Variants in COMMD6 observed in about 807,000 individuals in gnomAD.
The protein encoded by COMMD6 is COMM domain-containing protein 6.
In COMMD6, 11 loss-of-function variants were observed where a neutral mutation model predicts 13.4. The ratio of observed to expected loss-of-function variants is 0.82; its 90% CI spans 0.52 to 1.36. The LOEUF (loss-of-function observed/expected upper bound fraction) is 1.36. COMMD6 is among the 40% of genes most tolerant of loss of function. The pLI, the probability that COMMD6 is intolerant of heterozygous loss-of-function variation, is 0.00. For synonymous variants in COMMD6, 43 were observed against 36.5 expected, an observed-to-expected ratio of 1.18 and a Z score of -0.64; for missense variants, 124 against 102.4, an observed-to-expected ratio of 1.21 and a Z score of -0.91.
At chr13:75,546,817 GA>G (rs2030911892) in intron 1 of COMMD6, among the ~76,000 whole-genome samples, 1 of 152,304 alleles carries the variant, frequency 6.6e-6, no homozygotes, top group Non-Finnish European at 1.5e-5. Context: ...ATACTCACAA[GA>G]AGGGGATGTA....
intron 3 of COMMD6, among the ~76,000 whole-genome samples, chr13:75,527,253 T>G: frequency 6.6e-6 from 1 of 152,348 alleles, no homozygotes; most frequent in Admixed American, 6.5e-5. Context: ...AAACTTAACC[T>G]TGGCAATCAG....
chr13:75,530,757 G>A (rs2030450590), intron 2 of COMMD6, among the ~76,000 whole-genome samples: 1 of 152,168 alleles, frequency 6.6e-6, no homozygotes, highest in Admixed American at 6.5e-5. Context: ...AACACTATAG[G>A]TTATTGTTTC....
chr13:75,543,916 C>T (rs1282214438), intron 1 of COMMD6, among the ~76,000 whole-genome samples: 1 of 152,162 alleles, frequency 6.6e-6, no homozygotes, highest in Non-Finnish European at 1.5e-5. Context: ...AGCAACAGCA[C>T]CTAGCTAATA....
chr13:75,530,696 G>C (rs2030447563), intron 2 of COMMD6, among the ~76,000 whole-genome samples: 2 of 152,158 alleles, frequency 1.3e-5, no homozygotes, highest in African/African-American at 4.8e-5. Context: ...ACATACCCTG[G>C]GTGATGTGCT....
rs1194360389 is a variant in COMMD6, at chr13:75,525,769, C to T, written c.*820G>A. 6.6e-6 allele frequency: 1 copy of T among 152,230 alleles called. No individual in the cohort carries two copies. Among genetic ancestry groups the T allele is most frequent in the Non-Finnish European group, 1.5e-5 (1 of 68,048 alleles). 9.4% of individuals were successfully genotyped at this position (152,230 alleles called of 1,614,324 possible). ...GGGTTTAAATTTCTAATATGGCGGA[C>T]CAGAATGTCTTGATCTATTTCTAGG... On this transcript the variant is annotated 3_prime_UTR_variant, in exon 4 of 4. Coordinates refer to ENST00000682242, the MANE Select transcript of COMMD6 (RefSeq NM_203495.4).
rs752665331 is a variant in COMMD6 at position 75,530,280 on chromosome 13, G to A, written c.55-14C>T. On this transcript the variant is annotated splice_polypyrimidine_tract_variant and intron_variant, in intron 2 of 3. Coordinates refer to ENST00000682242, the MANE Select transcript of COMMD6 (RefSeq NM_203495.4). ...AAAATCTACAAGCTTTAATAAGACA[G>A]GACAAAATAATACATTAGTAGTAAC... 2 of 1,595,868 alleles carry A rather than the reference G, an allele frequency of 1.3e-6. No homozygotes were observed. The highest frequency in any genetic ancestry group is 2.3e-5 in the South Asian group (2 of 88,338).
At chr13:75,545,567 G>A (rs879123422) in intron 1 of COMMD6, among the ~76,000 whole-genome samples, 1 of 151,762 alleles carries the variant, frequency 6.6e-6, no homozygotes, top group Admixed American at 6.6e-5. Flanking sequence ...CCGCCTCCTC[G>A]GTTCACACCA....
chr13:75,531,060 A>G lies in COMMD6; in HGVS notation c.55-794T>C, dbSNP rs529462663. 2.6e-5 allele frequency among the ~76,000 whole-genome samples: 4 copies of G among 152,362 alleles called. No homozygotes were observed. In the South Asian group the frequency reaches 8.3e-4, roughly 32 times the overall value. ...TTGTTTCCAAAGCATAGCCTGGTAC[A>G]TAGCAGCCACTCAAAAAGTACTTGC... is the stretch of plus-strand genomic sequence containing the variant. On this transcript the variant is annotated intron_variant, in intron 2 of 3. Coordinates refer to ENST00000682242, the MANE Select transcript of COMMD6 (RefSeq NM_203495.4).
At chr13:75,543,469 T>C (rs2030856689), upstream of COMMD6, among the ~76,000 whole-genome samples, 1 of 152,230 alleles carries the variant, frequency 6.6e-6, no homozygotes, top group Non-Finnish European at 1.5e-5. Context: ...ACTTTTGAAC[T>C]TCAGACCATA....
chr13:75,538,277 G>T (rs2030754487), upstream of COMMD6, among the ~76,000 whole-genome samples: 1 of 152,220 alleles, frequency 6.6e-6, no homozygotes, highest in African/African-American at 2.4e-5. Context: ...CTAGCTGTGG[G>T]CGGGGCATGC....
chr13:75,547,414 A>C (rs2030921058), intron 1 of COMMD6, among the ~76,000 whole-genome samples: 1 of 152,240 alleles, frequency 6.6e-6, no homozygotes. Flanking sequence ...AGGCAGGTTC[A>C]AAATGCAAAA....
upstream of COMMD6, among the ~76,000 whole-genome samples, chr13:75,538,454 T>C (rs2030759580): frequency 6.6e-6 from 1 of 150,668 alleles, no homozygotes; most frequent in Non-Finnish European, 1.5e-5. Flanking sequence ...GAAAAATTTA[T>C]TTTTTTCAGA....
At chr13:75,534,500 G>A (rs1345608253) in intron 2 of COMMD6, among the ~76,000 whole-genome samples, 1 of 152,104 alleles carries the variant, frequency 6.6e-6, no homozygotes, top group Non-Finnish European at 1.5e-5. Context: ...ACCTTAAGTA[G>A]GAGTGAACTG....
At chr13:75,527,829 C>A (rs765038901) in intron 3 of COMMD6, 2 of 1,511,200 alleles carry the variant, frequency 1.3e-6, no homozygotes, top group Non-Finnish European at 1.8e-6. Context: ...AGAAAGGAGA[C>A]TGGAGGTTGC....
At chr13:75,535,201 G>A (rs1022262428) in intron 2 of COMMD6, among the ~76,000 whole-genome samples, 1 of 152,210 alleles carries the variant, frequency 6.6e-6, no homozygotes, top group African/African-American at 2.4e-5. Context: ...GGCGTGTTCA[G>A]GGAACAATGA....
chr13:75,537,687 G>A lies in COMMD6; in HGVS notation c.43-12C>T. 1 of 1,614,008 alleles carries A rather than the reference G, an allele frequency of 6.2e-7. No individual in the cohort carries two copies. Among genetic ancestry groups the A allele is most frequent in the Non-Finnish European group, 8.5e-7 (1 of 1,179,898 alleles). On this transcript the variant is annotated splice_polypyrimidine_tract_variant and intron_variant, in intron 1 of 3. Transcript: ENST00000682242. ...ACCTGGTTGGTGACCTGAAACGGAAGCAGAAACACAATTTAGAGAAACATC... is the reference window on the plus strand; with the variant it reads ...ACCTGGTTGGTGACCTGAAACGGAAACAGAAACACAATTTAGAGAAACATC...
At chr13:75,538,124 G>A (rs2030748757), upstream of COMMD6, among the ~76,000 whole-genome samples, 1 of 152,214 alleles carries the variant, frequency 6.6e-6, no homozygotes, top group South Asian at 2.1e-4. Context: ...GGAGCGGGGC[G>A]GGGCACAGCA....
intron 2 of COMMD6, among the ~76,000 whole-genome samples, chr13:75,533,480 G>A (rs2030559800): frequency 6.6e-6 from 1 of 150,856 alleles, no homozygotes; most frequent in Non-Finnish European, 1.5e-5. Flanking sequence ...GAAGTGGGAG[G>A]ATCACCTAAG....
intron 2 of COMMD6, among the ~76,000 whole-genome samples, chr13:75,535,445 G>A (rs1231984148): frequency 6.6e-6 from 1 of 152,220 alleles, no homozygotes; most frequent in Non-Finnish European, 1.5e-5. Context: ...CCTGTTACAA[G>A]GCTACTGCGG....
Sources: gnomAD v4.1 joint callset for allele counts (sites outside exome capture counted in the v4.1 genomes callset) on GRCh38, gnomAD v4.1.1 for gene constraint, MANE v1.5 for transcripts, NCBI Gene and HGNC (gene_info 2026-07-23, HGNC 2026-07-21) for gene names.